CRYZL1: variants seen among roughly 807,000 people sequenced by gnomAD.
The protein encoded by CRYZL1 is ferry endosomal RAB5 effector complex subunit 4.
A neutral mutation model predicts 50.6 loss-of-function variants in CRYZL1; 34 were observed. The observed-to-expected ratio is 0.67, with a 90% CI of 0.51 to 0.89. The LOEUF is 0.89. Ranked by LOEUF, CRYZL1 falls within the 40% of genes least tolerant of loss-of-function variation. CRYZL1 has a pLI of 0.00. For missense variants in CRYZL1, 354 were observed against 402.3 expected (o/e 0.88, Z 1.03); for synonymous variants, 125 against 134.3 (o/e 0.93, Z 0.48).
intron 5 of CRYZL1, among the ~76,000 whole-genome samples, chr21:33,615,752 C>T (rs1391488699): frequency 1.3e-5 from 2 of 152,126 alleles, no homozygotes; most frequent in Non-Finnish European, 2.9e-5. Context: ...TGAAACGGTG[C>T]ATGGAGCTTC....
chr21:33,600,694 C>T (rs1354071992), intron 8 of CRYZL1, among the ~76,000 whole-genome samples: 28 of 150,214 alleles, frequency 1.9e-4, no homozygotes, highest in Non-Finnish European at 3.0e-4. Context: ...GGCGCGATCT[C>T]GGCTCACTGC....
At chr21:33,597,194 A>T in intron 10 of CRYZL1, 86 bp downstream of exon 10, 1 of 1,360,874 alleles carries the variant, frequency 7.3e-7, no homozygotes, top group Non-Finnish European at 1.0e-6. Context: ...ATTTAGTCAT[A>T]CCTTGCCTCA....
chr21:33,626,215 T>C (rs1467850039), intron 2 of CRYZL1, among the ~76,000 whole-genome samples: 1 of 152,050 alleles, frequency 6.6e-6, no homozygotes, highest in African/African-American at 2.4e-5. Context: ...TGCCTTGGCC[T>C]CCCAAAGTGC....
In CRYZL1 at chr21:33,591,016, C is replaced by T. The variant is rs574971220; in HGVS notation, c.950+146G>A. 49 of 669,312 alleles carry T rather than the reference C, an allele frequency of 7.3e-5. 1 individual carries two copies. In the South Asian group the frequency reaches 8.0e-4, roughly 11 times the overall value. The allele number at this position is 669,312 out of a possible 1,614,324, so 41.5% of individuals were successfully genotyped here. On this transcript the variant is annotated intron_variant, in intron 12 of 12. Transcript: ENST00000381554. ...TTGCCATTACTTTCAATGGCAAAAA[C>T]CACAATTATGTTTGCACCAACCTAA...
At chr21:33,639,560 G>A (rs2145969753) in intron 1 of CRYZL1, among the ~76,000 whole-genome samples, 1 of 152,210 alleles carries the variant, frequency 6.6e-6, no homozygotes, top group East Asian at 1.9e-4. Context: ...CCACACAACA[G>A]TTACTCGCTC....
At chr21:33,635,497 C>T (rs2087195326) in intron 1 of CRYZL1, among the ~76,000 whole-genome samples, 2 of 151,278 alleles carry the variant, frequency 1.3e-5, no homozygotes, top group South Asian at 4.2e-4. Flanking sequence ...ACTACAGGCG[C>T]CCACCACCAC....
intron 7 of CRYZL1, among the ~76,000 whole-genome samples, chr21:33,602,561 C>T (rs1434428275): frequency 6.6e-6 from 1 of 152,182 alleles, no homozygotes; most frequent in African/African-American, 2.4e-5. Context: ...GGAAAAGCTG[C>T]ATGTCACACG....
Position 33,595,834 on chromosome 21 carries a change from C to T in CRYZL1, c.801G>A (p.Leu267=). The T allele has an allele frequency of 6.3e-7, 1 of 1,599,940 alleles. No homozygotes were observed. Among genetic ancestry groups the T allele is most frequent in the Non-Finnish European group, 8.6e-7 (1 of 1,167,092 alleles). The change falls in exon 11 of 13, where the codon TTG becomes TTA. Residue 267 remains leucine (L), a splice_region_variant and synonymous_variant. Transcript: ENST00000381554. ...AAAGGCAGTGGCTATCTGGAGGATC[C>T]AACTTGGATAGAATGAAACAAAGAC... is the stretch of plus-strand genomic sequence containing the variant. ...HWVTTEENLQ[L]DPPDSHCLFL...
intron 5 of CRYZL1, 184 bp downstream of exon 5, chr21:33,616,522 C>G (rs1372294598): frequency 1.6e-6 from 2 of 1,222,778 alleles, no homozygotes; most frequent in South Asian, 2.7e-5. Context: ...GAACTCCCGA[C>G]CTCAGGTGAT....
intron 6 of CRYZL1, among the ~76,000 whole-genome samples, chr21:33,605,302 GAAT>G (rs2086798789): frequency 1.3e-5 from 2 of 151,790 alleles, no homozygotes; most frequent in Non-Finnish European, 1.5e-5. Context: ...TTAAAAAACA[GAAT>G]CATCAGAATG....
intron 5 of CRYZL1, among the ~76,000 whole-genome samples, chr21:33,614,555 T>C (rs1035111855): frequency 6.6e-6 from 1 of 152,138 alleles, no homozygotes; most frequent in Non-Finnish European, 1.5e-5. Flanking sequence ...TTTGGTTCCA[T>C]GACATACCTC....
chr21:33,603,687 G>T (rs1272460736), intron 6 of CRYZL1, 150 bp from the exon 7 acceptor site: 2 of 773,832 alleles, frequency 2.6e-6, no homozygotes, highest in Non-Finnish European at 2.0e-6. Context: ...TCCATTATTT[G>T]CCCATGAATA....
At chr21:33,619,762 A>G (rs1011825649) in intron 4 of CRYZL1, among the ~76,000 whole-genome samples, 9 of 152,180 alleles carry the variant, frequency 5.9e-5, no homozygotes, top group African/African-American at 2.2e-4. Flanking sequence ...CCAGGACTTT[A>G]TCTTGCTCTA....
chr21:33,602,855 C>T (rs544014746), intron 7 of CRYZL1, among the ~76,000 whole-genome samples: 2 of 152,248 alleles, frequency 1.3e-5, no homozygotes, highest in East Asian at 3.9e-4. Flanking sequence ...CAAAGAAAAG[C>T]AGGAAGAAAG....
chr21:33,608,089 C>T (rs192848782), intron 6 of CRYZL1, among the ~76,000 whole-genome samples: 5 of 152,328 alleles, frequency 3.3e-5, no homozygotes, highest in Admixed American at 3.3e-4. Context: ...AATTTACTCT[C>T]AGCAATTTTG....
chr21:33,596,140 T>C, intron 10 of CRYZL1: 1 of 562,038 alleles, frequency 1.8e-6, no homozygotes, highest in Non-Finnish European at 3.5e-6. Context: ...CAGTGAAGAT[T>C]GGTAGGTGAG....
chr21:33,630,234 A>G (rs1439676847), intron 2 of CRYZL1, among the ~76,000 whole-genome samples: 1 of 152,202 alleles, frequency 6.6e-6, no homozygotes, highest in Non-Finnish European at 1.5e-5. Context: ...ACTGGTGGTC[A>G]TGTAAATTAG....
At chr21:33,599,331 C>A in intron 8 of CRYZL1, 83 bp from the exon 9 acceptor site, 1 of 1,550,530 alleles carries the variant, frequency 6.4e-7, no homozygotes, top group Non-Finnish European at 8.8e-7. Context: ...AAAAGAAAAG[C>A]AAATAAATAT....
intron 6 of CRYZL1, among the ~76,000 whole-genome samples, chr21:33,607,379 C>T (rs2086824528): frequency 1.3e-5 from 2 of 152,096 alleles, no homozygotes; most frequent in Non-Finnish European, 2.9e-5. Context: ...TGGCTCATAC[C>T]TGTAATGCCA....
Sources: gnomAD v4.1 joint callset for allele counts (sites outside exome capture counted in the v4.1 genomes callset) on GRCh38, gnomAD v4.1.1 for gene constraint, MANE v1.5 for transcripts, NCBI Gene and HGNC (gene_info 2026-07-23, HGNC 2026-07-21) for gene names.